Variants in GINS2 observed in about 807,000 individuals in gnomAD.
GINS2 encodes DNA replication complex GINS protein PSF2.
Under a neutral mutation model 21.2 loss-of-function variants are expected in GINS2, and 23 were observed. The observed-to-expected ratio is 1.08, with a 90% CI of 0.78 to 1.53. GINS2 has a LOEUF of 1.53. GINS2 is among the 40% of genes most tolerant of loss of function. The pLI is 0.00. For missense variants in GINS2, 323 were observed against 233.9 expected (o/e 1.38, Z -2.49); for synonymous variants, 118 against 85.6 (o/e 1.38, Z -2.09).
In GINS2 at chr16:85,685,670, C is replaced by CAAAAAAA. The variant is rs752631926; in HGVS notation, c.205+1783_205+1789dup. Among the ~76,000 whole-genome samples, 19 of 55,286 alleles carry CAAAAAAA rather than the reference C, an allele frequency of 3.4e-4. 2 individuals carry two copies. Among genetic ancestry groups the CAAAAAAA allele is most frequent in the East Asian group, 1.4e-3 (2 of 1,394 alleles). The allele number at this position is 55,286 out of a possible 152,430, so 36.3% of individuals were successfully genotyped here. On this transcript the variant is annotated intron_variant, in intron 2 of 4. Transcript: ENST00000253462. ...TGGGTGACAGAGCAAGACCCTTTCT[C>CAAAAAAA]AAAAAAAAAAAAAAAAAAAAACCGT...
rs764880451 is a variant in GINS2, at chr16:85,678,203, G to C, written c.*9C>G. ...ATCCCCCAGCAAGCCGCCTGCACCA[G>C]GCCTTTCTCTAGAAGTCCTGAGACT... On this transcript the variant is annotated 3_prime_UTR_variant, in exon 5 of 5. Transcript: ENST00000253462. 8 of 1,612,428 alleles carry C rather than the reference G, an allele frequency of 5.0e-6. No homozygotes were observed. Among genetic ancestry groups the C allele is most frequent in the East Asian group, 4.5e-5 (2 of 44,880 alleles).
chr16:85,679,082 C>G (rs1039956836), intron 3 of GINS2, among the ~76,000 whole-genome samples: 4 of 152,190 alleles, frequency 2.6e-5, no homozygotes, highest in Non-Finnish European at 5.9e-5. Flanking sequence ...TCTCCCTATT[C>G]CCCACCAGGA....
chr16:85,683,061 C>T (rs974822210), intron 2 of GINS2, among the ~76,000 whole-genome samples: 2 of 152,176 alleles, frequency 1.3e-5, no homozygotes, highest in Admixed American at 6.5e-5. Context: ...TTCCAGGTGT[C>T]CTGGACCCTC....
At chr16:85,683,354 A>T (rs940900462) in intron 2 of GINS2, among the ~76,000 whole-genome samples, 2 of 151,946 alleles carry the variant, frequency 1.3e-5, no homozygotes, top group Non-Finnish European at 2.9e-5. Context: ...TGCTACCCAC[A>T]TGCTCAGAAA....
chr16:85,681,646 C>T lies in GINS2; in HGVS notation c.241G>A (p.Glu81Lys). 6.2e-7 allele frequency: 1 copy of T among 1,612,510 alleles called. No homozygotes were observed. Among genetic ancestry groups the T allele is most frequent in the Non-Finnish European group, 8.5e-7 (1 of 1,178,632 alleles). Residue 81 changes from glutamate to lysine, a missense_variant, in exon 3 of 5, where the codon GAA becomes AAA. Coordinates refer to ENST00000253462, the MANE Select transcript of GINS2 (RefSeq NM_016095.3). The part of the protein sequence containing the change: ...LEKMRDHERK[E>K]ETFTPMPSPY... ...CTGGGCATTGGGGTAAAAGTTTCTT[C>T]CTTTCGTTCATGATCCCTCATCTTC...
Position 85,682,999 on chromosome 16 carries a change from C to A in GINS2, c.206-1318G>T, listed in dbSNP as rs548219363. On this transcript the variant is annotated intron_variant, in intron 2 of 4. Coordinates refer to ENST00000253462, the MANE Select transcript of GINS2 (RefSeq NM_016095.3). ...ACCCAGCTGAGTGTGACCCACACACCACCCCATCCCCCAAACTCCCTGTGT... is the reference window on the plus strand; with the variant it reads ...ACCCAGCTGAGTGTGACCCACACACAACCCCATCCCCCAAACTCCCTGTGT... 2.6e-3 allele frequency among the ~76,000 whole-genome samples: 394 copies of A among 152,118 alleles called. 4 individuals are homozygous for A. The highest frequency in any genetic ancestry group is 3.4e-3 in the Middle Eastern group (1 of 294).
Position 85,677,139 on chromosome 16 carries a change from G to A in GINS2, c.*1073C>T, listed in dbSNP as rs1462495896. The A allele has an allele frequency of 6.6e-6, 1 of 151,958 alleles. No individual in the cohort carries two copies. Among genetic ancestry groups the A allele is most frequent in the Non-Finnish European group, 1.5e-5 (1 of 68,022 alleles). 9.4% of individuals were successfully genotyped at this position (151,958 alleles called of 1,614,324 possible). A position where few individuals can be genotyped will look rare whatever the true frequency, so the allele number is the denominator to read the frequency against. ...ACCTGCCTTGGCCTCCCAAAGTGCT[G>A]GGATTACATGCATGAGCCAAGCCAA... is the stretch of plus-strand genomic sequence containing the variant. On this transcript the variant is annotated 3_prime_UTR_variant, in exon 5 of 5. Transcript: ENST00000253462.
intron 2 of GINS2, among the ~76,000 whole-genome samples, chr16:85,682,577 G>T (rs115907152): frequency 6.7e-6 from 1 of 149,804 alleles, no homozygotes; most frequent in South Asian, 2.1e-4. Flanking sequence ...TATCCTAGGG[G>T]TTAAGCCACC....
At chr16:85,685,402 G>A (rs1175707578) in intron 2 of GINS2, among the ~76,000 whole-genome samples, 2 of 151,844 alleles carry the variant, frequency 1.3e-5, no homozygotes, top group African/African-American at 2.4e-5. Flanking sequence ...CCGGCCAGGG[G>A]CAACAGCTCA....
intron 2 of GINS2, among the ~76,000 whole-genome samples, chr16:85,685,394 G>A (rs1337416229): frequency 2.6e-5 from 4 of 151,920 alleles, no homozygotes; most frequent in South Asian, 2.1e-4. Context: ...AAAGCCTTCC[G>A]GCCAGGGGCA....
intron 3 of GINS2, among the ~76,000 whole-genome samples, chr16:85,680,171 A>G (rs1450705847): frequency 6.6e-6 from 1 of 152,198 alleles, no homozygotes; most frequent in Non-Finnish European, 1.5e-5. Flanking sequence ...AAGCAGGCCT[A>G]TGGGACAAAC....
At chr16:85,683,078 C>A (rs1196292835) in intron 2 of GINS2, among the ~76,000 whole-genome samples, 2 of 152,098 alleles carry the variant, frequency 1.3e-5, no homozygotes, top group Non-Finnish European at 2.9e-5. Flanking sequence ...CCTCCTCTCA[C>A]CTGCACAGTA....
chr16:85,683,716 G>T (rs183643113), intron 2 of GINS2, among the ~76,000 whole-genome samples: 37 of 152,340 alleles, frequency 2.4e-4, no homozygotes, highest in African/African-American at 7.9e-4. Flanking sequence ...TGCTTGCCTG[G>T]ATTCATTCCC....
At chr16:85,678,401 T>C (rs2152050596) in intron 4 of GINS2, 64 bp from the exon 5 acceptor site, 1 of 1,584,718 alleles carries the variant, frequency 6.3e-7, no homozygotes, top group South Asian at 1.1e-5. Context: ...AGGTAAACTC[T>C]ACTGAATAAA....
rs563085250 is a variant in GINS2, at chr16:85,684,950, G to C, written c.205+2510C>G. Among the ~76,000 whole-genome samples, 179 of 152,080 alleles carry C rather than the reference G, an allele frequency of 1.2e-3. 1 individual carries two copies. Among genetic ancestry groups the C allele is most frequent in the African/African-American group, 4.1e-3 (171 of 41,474 alleles). ...ATTACAGGCGCCCACCAAACACCCA[G>C]CTAATTTTTGTATTTTTTAGTAGAG... On this transcript the variant is annotated intron_variant, in intron 2 of 4. Transcript: ENST00000253462.
At chr16:85,680,076 G>A (rs183293426) in intron 3 of GINS2, among the ~76,000 whole-genome samples, 17 of 152,234 alleles carry the variant, frequency 1.1e-4, no homozygotes, top group Admixed American at 7.8e-4. Flanking sequence ...GCCTTACTGC[G>A]CTCTGATGGA....
In GINS2 at chr16:85,681,610, T is replaced by C. The variant is rs745661946; in HGVS notation, c.277A>G (p.Met93Val). 3.7e-6 allele frequency: 6 copies of C among 1,610,502 alleles called. No homozygotes were observed. Among genetic ancestry groups the C allele is most frequent in the Admixed American group, 1.7e-5 (1 of 59,928 alleles). Residue 93 changes from methionine (M) to valine (V), a missense_variant, in exon 3 of 5, where the codon ATG (methionine) becomes GTG (valine). By Grantham distance (21) the Met-to-Val change is conservative. Transcript: ENST00000253462. ...TFTPMPSPYY[M>V]ELTKLLLNHA... ...TTTAACAGGAGCTTCGTAAGTTCCA[T>C]GTAGTAAGGGCTGGGCATTGGGGTA...
intron 2 of GINS2, among the ~76,000 whole-genome samples, chr16:85,683,278 C>T (rs2053749280): frequency 1.3e-5 from 2 of 152,064 alleles, no homozygotes; most frequent in East Asian, 1.9e-4. Context: ...GACACTGGGA[C>T]AAAGAGCTCA....
chr16:85,680,159 G>A (rs2053719732), intron 3 of GINS2, among the ~76,000 whole-genome samples: 1 of 152,204 alleles, frequency 6.6e-6, no homozygotes, highest in African/African-American at 2.4e-5. Flanking sequence ...CACCACACCA[G>A]GAAGCAGGCC....
Sources: gnomAD v4.1 joint callset for allele counts (sites outside exome capture counted in the v4.1 genomes callset) on GRCh38, gnomAD v4.1.1 for gene constraint, MANE v1.5 for transcripts, NCBI Gene and HGNC (gene_info 2026-07-23, HGNC 2026-07-21) for gene names.